Variants in WWOX observed in about 807,000 individuals in gnomAD.
The protein encoded by WWOX is WW domain containing oxidoreductase, also known as WW domain-containing oxidoreductase.
Under a neutral mutation model 46.2 loss-of-function variants are expected in WWOX, and 69 were observed. The observed-to-expected ratio is 1.49, with a 90% CI of 1.23 to 1.82. The LOEUF (loss-of-function observed/expected upper bound fraction) is 1.82, where lower values mean the gene tolerates loss of function less well. Ranked by LOEUF, WWOX falls within the 40% of genes most tolerant of loss-of-function variation. The pLI, the probability that WWOX is intolerant of heterozygous loss-of-function variation, is 0.00. For missense variants in WWOX, 919 were observed against 542.6 expected, an observed-to-expected ratio of 1.69 and a Z score of -6.89; for synonymous variants, 359 against 202.6, an observed-to-expected ratio of 1.77 and a Z score of -6.56.
intron 8 of WWOX, among the ~76,000 whole-genome samples, chr16:78,627,468 T>C (rs1459170312): frequency 6.6e-6 from 1 of 152,218 alleles, no homozygotes; most frequent in Non-Finnish European, 1.5e-5. Context: ...CTTCCAATCT[T>C]GACATTCTGT....
At chr16:78,431,471 C>T (rs1003989707) in intron 7 of WWOX, among the ~76,000 whole-genome samples, 7 of 152,048 alleles carry the variant, frequency 4.6e-5, no homozygotes, top group Non-Finnish European at 8.8e-5. Context: ...TAAAATAATC[C>T]AGGAAAGCCC....
At position 79,036,641 on chromosome 16, in the gene WWOX, C is replaced by A. The variant is rs578144731; in HGVS notation, c.1057-174967C>A. Reference sequence around the variant, plus strand: ...ACCAACTCCATTCAATTCACAGTGGCTCTCTGAAGCTCTGTTTTTGGAAGG... The same window carrying A: ...ACCAACTCCATTCAATTCACAGTGGATCTCTGAAGCTCTGTTTTTGGAAGG... On this transcript the variant is annotated intron_variant, in intron 8 of 8. Coordinates refer to ENST00000566780, the MANE Select transcript of WWOX (RefSeq NM_016373.4). Among the ~76,000 whole-genome samples the A allele has an allele frequency of 1.8e-4, 28 of 152,300 alleles. 1 individual carries two copies. The highest frequency in any genetic ancestry group is 6.7e-4 in the African/African-American group (28 of 41,556).
At chr16:78,758,365 G>T (rs992433150) in intron 8 of WWOX, among the ~76,000 whole-genome samples, 1 of 152,176 alleles carries the variant, frequency 6.6e-6, no homozygotes, top group Non-Finnish European at 1.5e-5. Flanking sequence ...TTTGCAAGTA[G>T]ATTAATTGGG....
intron 8 of WWOX, among the ~76,000 whole-genome samples, chr16:78,961,864 AAATCATTCT>A (rs1343038755): frequency 6.6e-6 from 1 of 152,138 alleles, no homozygotes; most frequent in African/African-American, 2.4e-5. Context: ...GATTTTGCAG[AAATCATTCT>A]GTGGTTCCAC....
At chr16:78,824,028 A>G (rs376742847) in intron 8 of WWOX, among the ~76,000 whole-genome samples, 60 of 152,218 alleles carry the variant, frequency 3.9e-4, no homozygotes, top group Middle Eastern at 3.4e-3. Context: ...TCCTGCCTTG[A>G]TAGACGTGTT....
In WWOX at chr16:78,470,349, G is replaced by A. The variant is rs1270272059; in HGVS notation, c.1056+37597G>A. Among the ~76,000 whole-genome samples the A allele has an allele frequency of 2.0e-5, 3 of 152,154 alleles. No homozygotes were observed. The East Asian group carries it at 5.8e-4, about 29-fold the overall frequency. On this transcript the variant is annotated intron_variant, in intron 8 of 8. Transcript: ENST00000566780. Reference sequence around the variant, plus strand: ...ATAGTACATCTTTGCCTCACCTGATGTATTGTTTGTTTAAAATCACTTTGG... The same window carrying A: ...ATAGTACATCTTTGCCTCACCTGATATATTGTTTGTTTAAAATCACTTTGG...
chr16:78,127,025 G>A (rs1351325988), intron 4 of WWOX, among the ~76,000 whole-genome samples: 1 of 152,130 alleles, frequency 6.6e-6, no homozygotes, highest in African/African-American at 2.4e-5. Flanking sequence ...AAGCTTCATT[G>A]GTAGCAAGTT....
chr16:78,586,721 G>T (rs1348543718), intron 8 of WWOX, among the ~76,000 whole-genome samples: 1 of 152,092 alleles, frequency 6.6e-6, no homozygotes, highest in Non-Finnish European at 1.5e-5. Flanking sequence ...CTTTATCATA[G>T]CCCTTATGGT....
chr16:79,039,798 C>G (rs201736495), intron 8 of WWOX, among the ~76,000 whole-genome samples: 2 of 152,148 alleles, frequency 1.3e-5, no homozygotes, highest in African/African-American at 4.8e-5. Flanking sequence ...TTCTCTGAAC[C>G]TTTTTGCGTG....
chr16:78,440,699 C>G (rs1216371278), intron 8 of WWOX, among the ~76,000 whole-genome samples: 3 of 151,908 alleles, frequency 2.0e-5, no homozygotes, highest in Non-Finnish European at 4.4e-5. Flanking sequence ...TCACTGCAAC[C>G]TCCGCGCCTC....
chr16:79,066,143 A>C (rs1395062843), intron 8 of WWOX, among the ~76,000 whole-genome samples: 1 of 151,808 alleles, frequency 6.6e-6, no homozygotes. Flanking sequence ...CTTTTCATCT[A>C]CTAATCTTTG....
chr16:79,024,542 T>C (rs533175821), intron 8 of WWOX, among the ~76,000 whole-genome samples: 167 of 152,276 alleles, frequency 1.1e-3, no homozygotes, highest in Admixed American at 2.8e-3. Context: ...CACGCCATTC[T>C]CCTGCCTCAG....
intron 5 of WWOX, among the ~76,000 whole-genome samples, chr16:78,236,542 G>A (rs967187085): frequency 6.6e-6 from 1 of 152,118 alleles, no homozygotes; most frequent in Admixed American, 6.6e-5. Context: ...TTACTCGTAC[G>A]AACTTGTCTG....
chr16:78,782,993 G>C (rs1045432413), intron 8 of WWOX, among the ~76,000 whole-genome samples: 1 of 152,112 alleles, frequency 6.6e-6, no homozygotes, highest in Non-Finnish European at 1.5e-5. Context: ...CAGGGATTTT[G>C]AATTACAATA....
chr16:78,419,624 G>GAAAAAAAAAA (rs1567561303), intron 6 of WWOX, among the ~76,000 whole-genome samples: 1 of 7,626 alleles, frequency 1.3e-4, no homozygotes, highest in Middle Eastern at 0.071. Flanking sequence ...GCAAAAAATA[G>GAAAAAAAAAA]CAAAAAAAAA....
intron 1 of WWOX, among the ~76,000 whole-genome samples, chr16:78,107,790 T>G (rs1170317212): frequency 6.6e-6 from 1 of 152,172 alleles, no homozygotes; most frequent in Admixed American, 6.5e-5. Context: ...GGCAACATAG[T>G]GAGACCCTGA....
At chr16:78,670,810 C>G (rs979210043) in intron 8 of WWOX, among the ~76,000 whole-genome samples, 1 of 151,944 alleles carries the variant, frequency 6.6e-6, no homozygotes, top group African/African-American at 2.4e-5. Flanking sequence ...CTCCACCTAC[C>G]CAGAAATAAG....
At chr16:78,505,986 C>T (rs935138410) in intron 8 of WWOX, among the ~76,000 whole-genome samples, 15 of 152,168 alleles carry the variant, frequency 9.9e-5, no homozygotes, top group African/African-American at 3.1e-4. Flanking sequence ...AGAAATGATC[C>T]GGCAAGAAGA....
chr16:79,014,190 T>G (rs1277248344), intron 8 of WWOX, among the ~76,000 whole-genome samples: 2 of 152,176 alleles, frequency 1.3e-5, no homozygotes, highest in Non-Finnish European at 2.9e-5. Context: ...TTGTCAAGTT[T>G]GAAAGGTTTT....
Sources: gnomAD v4.1 joint callset for allele counts (sites outside exome capture counted in the v4.1 genomes callset) on GRCh38, gnomAD v4.1.1 for gene constraint, MANE v1.5 for transcripts, NCBI Gene and HGNC (gene_info 2026-07-23, HGNC 2026-07-21) for gene names.